GBP6: variants seen among roughly 807,000 people sequenced by gnomAD.
The protein encoded by GBP6 is guanylate binding protein family member 6.
GBP6 carries 54 observed loss-of-function variants against 61.5 expected under a neutral mutation model. The ratio of observed to expected loss-of-function variants is 0.88; its 90% CI spans 0.71 to 1.10. GBP6 has a LOEUF of 1.10. GBP6 is among the 50% of genes least tolerant of loss of function. The pLI, the probability that GBP6 is intolerant of heterozygous loss-of-function variation, is 0.00. For synonymous variants in GBP6, 255 were observed against 273.7 expected, an observed-to-expected ratio of 0.93 and a Z score of 0.67; for missense variants, 748 against 752.8, an observed-to-expected ratio of 0.99 and a Z score of 0.07.
chr1:89,373,615 T>C (rs1174891119), intron 3 of GBP6, among the ~76,000 whole-genome samples: 1 of 151,900 alleles, frequency 6.6e-6, no homozygotes, highest in Non-Finnish European at 1.5e-5. Context: ...AATTGAACAA[T>C]GAAAACACTT....
chr1:89,373,628 A>AGGAAG (rs1170803108), intron 3 of GBP6, among the ~76,000 whole-genome samples: 3 of 152,130 alleles, frequency 2.0e-5, no homozygotes, highest in Non-Finnish European at 4.4e-5. Context: ...AAACACTTGG[A>AGGAAG]CACAGGGTGG....
Position 89,380,594 on chromosome 1 carries a change from C to G in GBP6, c.834C>G (p.Thr278=), listed in dbSNP as rs768963381. 3 of 1,613,714 alleles carry G rather than the reference C, an allele frequency of 1.9e-6. No homozygotes were observed. Among genetic ancestry groups the G allele is most frequent in the East Asian group, 4.5e-5 (2 of 44,882 alleles). Residue 278 remains threonine (T), a synonymous_variant, in exon 6 of 11, where the codon ACC becomes ACG. Coordinates refer to ENST00000370456, the MANE Select transcript of GBP6 (RefSeq NM_198460.3). ...CTTACATCTTCACTCATGCAAGAAC[C>G]AAGACCCTCAGGGAGGGAATCACAG... The part of the protein sequence containing the change: ...FCSYIFTHAR[T]KTLREGITVT...
intron 9 of GBP6, 39 bp from the exon 10 acceptor site, chr1:89,384,054 C>T: frequency 1.3e-6 from 2 of 1,533,362 alleles, no homozygotes; most frequent in East Asian, 2.3e-5. Context: ...GAATCTTCAC[C>T]TATTATTTTC....
intron 3 of GBP6, among the ~76,000 whole-genome samples, chr1:89,375,383 G>A (rs188855268): frequency 5.3e-5 from 8 of 152,284 alleles, no homozygotes; most frequent in Admixed American, 5.2e-4. Flanking sequence ...ATACTGGTGA[G>A]GCTGTGGGCT....
intron 5 of GBP6, among the ~76,000 whole-genome samples, chr1:89,378,941 T>C (rs982977880): frequency 2.6e-5 from 4 of 152,150 alleles, no homozygotes; most frequent in African/African-American, 9.7e-5. Context: ...GTTTAGAAAA[T>C]GATTGACCAG....
chr1:89,369,747 T>C, intron 3 of GBP6, 74 bp downstream of exon 3: 1 of 1,497,818 alleles, frequency 6.7e-7, no homozygotes, highest in South Asian at 1.4e-5. Flanking sequence ...TGTGATCTAT[T>C]TGTGCAAACT....
At chr1:89,373,757 A>G (rs556706238) in intron 3 of GBP6, among the ~76,000 whole-genome samples, 1 of 152,244 alleles carries the variant, frequency 6.6e-6, no homozygotes, top group East Asian at 1.9e-4. Context: ...TGGCACATGT[A>G]TACATATGTA....
intron 3 of GBP6, among the ~76,000 whole-genome samples, chr1:89,373,638 G>A (rs1652711237): frequency 6.6e-6 from 1 of 151,980 alleles, no homozygotes; most frequent in East Asian, 1.9e-4. Context: ...ACACAGGGTG[G>A]GGAACATCAC....
At position 89,384,623 on chromosome 1, in the gene GBP6, A is replaced by G. The variant is rs115437781; in HGVS notation, c.1662+337A>G. Among the ~76,000 whole-genome samples, 221 of 152,328 alleles carry G rather than the reference A, an allele frequency of 1.5e-3. 1 individual carries two copies. The highest frequency in any genetic ancestry group is 5.1e-3 in the African/African-American group (213 of 41,580). The stretch of plus-strand genomic sequence containing the variant: ...GTTCCACACAGTGTATTTGATGTGA[A>G]CAGCAGCTGGTTTCCTTCACCAAGA... On this transcript the variant is annotated intron_variant, in intron 10 of 10. Coordinates refer to ENST00000370456, the MANE Select transcript of GBP6 (RefSeq NM_198460.3).
At chr1:89,376,725 A>AT (rs1448995468) in intron 3 of GBP6, among the ~76,000 whole-genome samples, 2 of 152,064 alleles carry the variant, frequency 1.3e-5, no homozygotes, top group African/African-American at 2.4e-5. Flanking sequence ...TAATTTTAGG[A>AT]TTTTTTTATA....
At chr1:89,385,134 T>C in intron 10 of GBP6, 96 bp from the exon 11 acceptor site, 1 of 1,099,284 alleles carries the variant, frequency 9.1e-7, no homozygotes, top group Non-Finnish European at 1.3e-6. Context: ...TTTTTAGGAG[T>C]AAAATAAAGT....
At position 89,382,662 on chromosome 1, in the gene GBP6, A is replaced by G. The variant is rs750184642; in HGVS notation, c.1153-2A>G. On this transcript the variant is annotated splice_acceptor_variant, in intron 7 of 10. Coordinates refer to ENST00000370456, the MANE Select transcript of GBP6 (RefSeq NM_198460.3). LOFTEE classifies it high-confidence loss of function. ...TGACATCTCTCTACATTTCCCTTGC[A>G]GGAAACCACAATGAATAAGAAGGGG... 13 of 1,612,944 alleles carry G rather than the reference A, an allele frequency of 8.1e-6. No individual in the cohort carries two copies. The highest frequency in any genetic ancestry group is 1.1e-5 in the Non-Finnish European group (13 of 1,178,954).
rs1162983739 is a variant in GBP6, at chr1:89,382,004, ATCCT to A, written c.1152+34_1152+37del. On this transcript the variant is annotated intron_variant, in intron 7 of 10. Transcript: ENST00000370456. The stretch of plus-strand genomic sequence containing the variant: ...TTTGCCTTAGTCATTACTGTTCATC[ATCCT>A]TCCCCTTGAAGAATGAAGCCTATAG... 3.8e-6 allele frequency: 6 copies of A among 1,565,672 alleles called. No individual in the cohort carries two copies. In the African/African-American group the frequency reaches 6.8e-5, roughly 18 times the overall value.
intron 1 of GBP6, among the ~76,000 whole-genome samples, chr1:89,365,008 AC>A (rs1175604224): frequency 2.3e-5 from 2 of 86,410 alleles, no homozygotes; most frequent in African/African-American, 9.0e-5. Context: ...CCCAGCGCCA[AC>A]CCCCCGCCGC....
At position 89,382,811 on chromosome 1, in the gene GBP6, C is replaced by A. The variant is rs761413265; in HGVS notation, c.1300C>A (p.Leu434Ile). ...GSFSVPGGHKLYMETKERIEQ... is the reference protein window; with the variant it reads ...GSFSVPGGHKIYMETKERIEQ... ...TTTCTCTGTTCCTGGAGGGCACAAG[C>A]TCTACATGGAAACAAAGGAAAGGAT... is the stretch of plus-strand genomic sequence containing the variant. The change falls in exon 8 of 11, where the codon CTC becomes ATC. Residue 434 changes from leucine (L) to isoleucine (I), a missense_variant. By Grantham distance (5) the Leu-to-Ile change is conservative. Coordinates refer to ENST00000370456, the MANE Select transcript of GBP6 (RefSeq NM_198460.3). 6.2e-7 allele frequency: 1 copy of A among 1,614,010 alleles called. No homozygotes were observed. Among genetic ancestry groups the A allele is most frequent in the Non-Finnish European group, 8.5e-7 (1 of 1,179,916 alleles).
intron 6 of GBP6, 60 bp from the exon 7 acceptor site, chr1:89,381,634 C>A: frequency 6.5e-7 from 1 of 1,526,930 alleles, no homozygotes; most frequent in Non-Finnish European, 8.9e-7. Flanking sequence ...AGAAATGTAG[C>A]CTAGGATCCC....
Position 89,384,285 on chromosome 1 carries a change from A to G in GBP6, c.1661A>G (p.Lys554Arg). 1.2e-6 allele frequency: 2 copies of G among 1,608,540 alleles called. No homozygotes were observed. The highest frequency in any genetic ancestry group is 1.1e-5 in the South Asian group (1 of 90,218). Reference protein sequence around the residue: ...EQIMMLEHTQKVQNDWLHEGF... With the variant: ...EQIMMLEHTQRVQNDWLHEGF... ...ATTATGATGTTGGAGCACACGCAGA[A>G]GGTAAGTCTGCCCTTGGCCTCAGCA... is the stretch of plus-strand genomic sequence containing the variant. Residue 554 changes from lysine to arginine, a missense_variant and splice_region_variant, in exon 10 of 11, where the codon AAG (lysine) becomes AGG (arginine). Transcript: ENST00000370456.
At chr1:89,383,325 T>G (rs1292697434) in intron 8 of GBP6, among the ~76,000 whole-genome samples, 1 of 152,150 alleles carries the variant, frequency 6.6e-6, no homozygotes, top group African/African-American at 2.4e-5. Context: ...CAGCATAGAT[T>G]AGAGGCAGCA....
chr1:89,372,717 G>C (rs1652679886), intron 3 of GBP6, among the ~76,000 whole-genome samples: 1 of 152,178 alleles, frequency 6.6e-6, no homozygotes, highest in African/African-American at 2.4e-5. Context: ...AACTCTAGAA[G>C]AGAACCTAGG....
Sources: gnomAD v4.1 joint callset for allele counts (sites outside exome capture counted in the v4.1 genomes callset) on GRCh38, gnomAD v4.1.1 for gene constraint, MANE v1.5 for transcripts, NCBI Gene and HGNC (gene_info 2026-07-23, HGNC 2026-07-21) for gene names.